NTAQ1: variants seen among roughly 807,000 people sequenced by gnomAD.
The protein encoded by NTAQ1 is N-terminal glutamine amidase 1.
A neutral mutation model predicts 28.2 loss-of-function variants in NTAQ1; 21 were observed. That is an observed-to-expected ratio of 0.74 (90% CI 0.53 to 1.07). The LOEUF (loss-of-function observed/expected upper bound fraction) is 1.07. Among genes scored for constraint, NTAQ1 ranks in the 50% least tolerant of loss-of-function variants. The pLI is 0.00. For missense variants in NTAQ1, 264 were observed against 256.6 expected, an observed-to-expected ratio of 1.03 and a Z score of -0.20; for synonymous variants, 105 against 90.0, an observed-to-expected ratio of 1.17 and a Z score of -0.94.
intron 1 of NTAQ1, among the ~76,000 whole-genome samples, chr8:123,426,829 G>T (rs1814087717): frequency 6.6e-6 from 1 of 152,002 alleles, no homozygotes. Context: ...GTGTGGTGCT[G>T]CACGCCTGTA....
downstream of NTAQ1, among the ~76,000 whole-genome samples, chr8:123,450,615 C>G (rs1414713810): frequency 2.0e-5 from 3 of 152,180 alleles, no homozygotes; most frequent in South Asian, 6.2e-4. Flanking sequence ...CTCCTCAGTT[C>G]TCACTCTGTA....
At chr8:123,463,366 T>A (rs1815885354) in intron 6 of NTAQ1, among the ~76,000 whole-genome samples, 1 of 152,240 alleles carries the variant, frequency 6.6e-6, no homozygotes, top group Non-Finnish European at 1.5e-5. Flanking sequence ...AAATTTTGTG[T>A]TCTCTTAATA....
chr8:123,455,460 A>C (rs1586966247), intron 6 of NTAQ1, among the ~76,000 whole-genome samples: 2 of 117,966 alleles, frequency 1.7e-5, no homozygotes, highest in African/African-American at 3.4e-5. Flanking sequence ...GGAGTCTCCC[A>C]CTCTCGCCTG....
chr8:123,457,067 A>G (rs142205129), intron 6 of NTAQ1, among the ~76,000 whole-genome samples: 229 of 152,236 alleles, frequency 1.5e-3, no homozygotes, highest in Admixed American at 2.7e-3. Context: ...ATCTATACAT[A>G]TAGATATATA....
intron 5 of NTAQ1, 48 bp from the exon 6 acceptor site, chr8:123,441,258 C>T (rs1261168656): frequency 6.6e-7 from 1 of 1,514,620 alleles, no homozygotes; most frequent in Admixed American, 1.8e-5. Flanking sequence ...TGCTGTTAAA[C>T]CAAAATTGTG....
chr8:123,441,296 A>G lies in NTAQ1; in HGVS notation c.509-10A>G, dbSNP rs1375967470. On this transcript the variant is annotated splice_polypyrimidine_tract_variant and intron_variant, in intron 5 of 5. Coordinates refer to ENST00000287387, the MANE Select transcript of NTAQ1 (RefSeq NM_018024.3). ...TTCAGTGGACATTTTTTTTTCATAT[A>G]TTTTTTTAGATTCCAAAATGAACCT... 2 of 1,583,270 alleles carry G rather than the reference A, an allele frequency of 1.3e-6. No homozygotes were observed. Among genetic ancestry groups the G allele is most frequent in the South Asian group, 2.3e-5 (2 of 85,898 alleles).
At chr8:123,465,747 A>G (rs1332719531) in intron 6 of NTAQ1, among the ~76,000 whole-genome samples, 1 of 151,472 alleles carries the variant, frequency 6.6e-6, no homozygotes, top group Admixed American at 6.6e-5. Flanking sequence ...ATGCCAGGCT[A>G]ATTTTTGTGT....
At chr8:123,453,184 G>A (rs1003403516) in intron 6 of NTAQ1, among the ~76,000 whole-genome samples, 7 of 152,190 alleles carry the variant, frequency 4.6e-5, no homozygotes, top group Non-Finnish European at 8.8e-5. Flanking sequence ...CCTCCTTGGG[G>A]CCAGATGCTG....
At chr8:123,437,711 AAAAAAAC>A (rs869166826) in intron 5 of NTAQ1, among the ~76,000 whole-genome samples, 35 of 82,078 alleles carry the variant, frequency 4.3e-4, no homozygotes, top group African/African-American at 7.8e-4. Flanking sequence ...TCAAAAAAAA[AAAAAAAC>A]AAAAAACAAA....
At chr8:123,464,634 T>C (rs1358320025) in intron 6 of NTAQ1, among the ~76,000 whole-genome samples, 1 of 152,042 alleles carries the variant, frequency 6.6e-6, no homozygotes, top group Non-Finnish European at 1.5e-5. Flanking sequence ...TTTCCTATGG[T>C]TGAGAAATAT....
chr8:123,465,230 A>G (rs1815932984), intron 6 of NTAQ1, among the ~76,000 whole-genome samples: 1 of 152,226 alleles, frequency 6.6e-6, no homozygotes, highest in Non-Finnish European at 1.5e-5. Flanking sequence ...GGAAATTGAC[A>G]TTGACATTGA....
downstream of NTAQ1, among the ~76,000 whole-genome samples, chr8:123,452,891 CAAAA>C (rs35777761): frequency 6.6e-6 from 1 of 151,816 alleles, no homozygotes; most frequent in South Asian, 2.1e-4. Context: ...AACTCCCTCT[CAAAA>C]AAAACAAAAC....
chr8:123,440,988 C>T (rs540228900), intron 5 of NTAQ1, among the ~76,000 whole-genome samples: 2 of 152,236 alleles, frequency 1.3e-5, no homozygotes, highest in African/African-American at 4.8e-5. Flanking sequence ...CTTTCCCTGG[C>T]CTCATGAAGT....
At chr8:123,475,235 C>T in the NTAQ1 span, among the ~76,000 whole-genome samples, 2 of 152,124 alleles carry the variant, frequency 1.3e-5, no homozygotes, top group African/African-American at 2.4e-5. Flanking sequence ...TTTCAACATG[C>T]CTCATTATTT....
intron 6 of NTAQ1, among the ~76,000 whole-genome samples, chr8:123,458,565 C>G (rs1586968673): frequency 6.6e-6 from 1 of 151,020 alleles, no homozygotes; most frequent in Non-Finnish European, 1.5e-5. Flanking sequence ...TGAGCTCATG[C>G]GAAGAGAGAA....
downstream of NTAQ1, among the ~76,000 whole-genome samples, chr8:123,472,999 A>G (rs923453620): frequency 2.0e-5 from 3 of 152,128 alleles, no homozygotes; most frequent in Non-Finnish European, 4.4e-5. Flanking sequence ...AAAAATGCCC[A>G]TTGTTAACTG....
chr8:123,449,502 G>C (rs1241819754), downstream of NTAQ1, among the ~76,000 whole-genome samples: 1 of 152,104 alleles, frequency 6.6e-6, no homozygotes, highest in African/African-American at 2.4e-5. Flanking sequence ...GATCACTTGA[G>C]GCCAGGAGTT....
At chr8:123,457,064 CATATAG>C (rs1815669681) in intron 6 of NTAQ1, among the ~76,000 whole-genome samples, 2 of 152,074 alleles carry the variant, frequency 1.3e-5, no homozygotes, top group African/African-American at 4.8e-5. Context: ...TCTATCTATA[CATATAG>C]ATATATATAT....
intron 1 of NTAQ1, among the ~76,000 whole-genome samples, chr8:123,424,670 G>A (rs1022904864): frequency 4.6e-5 from 7 of 152,150 alleles, no homozygotes; most frequent in African/African-American, 1.7e-4. Context: ...CTCCCAAAGT[G>A]CCTGGATTAC....
Sources: gnomAD v4.1 joint callset for allele counts (sites outside exome capture counted in the v4.1 genomes callset) on GRCh38, gnomAD v4.1.1 for gene constraint, MANE v1.5 for transcripts, NCBI Gene and HGNC (gene_info 2026-07-23, HGNC 2026-07-21) for gene names.